Variants in GNPNAT1 observed in about 807,000 individuals in gnomAD.
GNPNAT1 encodes glucosamine-phosphate N-acetyltransferase 1.
In GNPNAT1, 11 loss-of-function variants were observed where a neutral mutation model predicts 19.8. The observed-to-expected ratio is 0.56, with a 90% CI of 0.35 to 0.92. The LOEUF (loss-of-function observed/expected upper bound fraction) is 0.92, where lower values mean the gene tolerates loss of function less well. Among genes scored for constraint, GNPNAT1 ranks in the 40% least tolerant of loss-of-function variants. GNPNAT1 has a pLI of 0.01. For synonymous variants in GNPNAT1, 71 were observed against 72.3 expected, an observed-to-expected ratio of 0.98 and a Z score of 0.09; for missense variants, 157 against 211.0, an observed-to-expected ratio of 0.74 and a Z score of 1.59.
chr14:52,784,352 G>A, intron 2 of GNPNAT1, 145 bp downstream of exon 2: 2 of 500,190 alleles, frequency 4.0e-6, no homozygotes, highest in South Asian at 4.7e-5. Flanking sequence ...ACACTCATTG[G>A]TATTGAGTGT....
rs1428103326 is a variant in GNPNAT1, at chr14:52,791,191, C to A, written c.-15+237G>T. 6.6e-6 allele frequency among the ~76,000 whole-genome samples: 1 copy of A among 152,206 alleles called. No homozygotes were observed. On this transcript the variant is annotated intron_variant, in intron 1 of 5. Coordinates refer to ENST00000216410, the MANE Select transcript of GNPNAT1 (RefSeq NM_198066.4). This position sits in a 1 kb window ranked among gnomAD's most constrained non-coding sequence, Gnocchi z 4.1. ...CCAAGACCAGCGTATGGCCGGACCG[C>A]TGGCCATCATCCTTAACCTCTGCTC...
At chr14:52,782,684 G>C (rs963361674) in intron 3 of GNPNAT1, among the ~76,000 whole-genome samples, 1 of 151,344 alleles carries the variant, frequency 6.6e-6, no homozygotes. Context: ...ATGGGAAAAA[G>C]AAATTCAGTG....
At chr14:52,782,253 T>C (rs1474994143) in intron 3 of GNPNAT1, among the ~76,000 whole-genome samples, 2 of 152,130 alleles carry the variant, frequency 1.3e-5, no homozygotes, top group African/African-American at 4.8e-5. Context: ...ATAGATCTCT[T>C]TAACTTTTAT....
chr14:52,783,539 T>G (rs1882942393), intron 2 of GNPNAT1, 54 bp from the exon 3 acceptor site: 1 of 1,180,900 alleles, frequency 8.5e-7, no homozygotes, highest in Admixed American at 1.8e-5. Flanking sequence ...GAAGACAGTA[T>G]GAAAATAAGC....
intron 2 of GNPNAT1, among the ~76,000 whole-genome samples, chr14:52,783,846 T>A (rs535017414): frequency 6.6e-6 from 1 of 152,296 alleles, no homozygotes; most frequent in Admixed American, 6.5e-5. Context: ...AGGTGCAACA[T>A]GGCTAAATAC....
chr14:52,780,560 A>G (rs1160491462), intron 5 of GNPNAT1, 119 bp downstream of exon 5: 3 of 695,782 alleles, frequency 4.3e-6, no homozygotes, highest in East Asian at 2.5e-5. Context: ...AGTCTAAACT[A>G]TTAGAGTGAG....
In GNPNAT1 at chr14:52,781,774, C is replaced by T. The variant is rs2139964205; in HGVS notation, c.345+10G>A. 3.2e-6 allele frequency: 5 copies of T among 1,572,844 alleles called. No individual in the cohort carries two copies. The highest frequency in any genetic ancestry group is 4.7e-5 in the East Asian group (2 of 42,390). ...AACAGCTGTCCATTTTATTTATAAG[C>T]AGCACATACCTTAGCACAGGAATGG... is the stretch of plus-strand genomic sequence containing the variant. On this transcript the variant is annotated intron_variant, in intron 4 of 5. Transcript: ENST00000216410.
intron 5 of GNPNAT1, among the ~76,000 whole-genome samples, chr14:52,778,765 C>G (rs999524364): frequency 7.2e-5 from 11 of 152,246 alleles, no homozygotes; most frequent in African/African-American, 2.6e-4. Context: ...TACCTGTAAT[C>G]CTAGCACTCT....
At position 52,781,851 on chromosome 14, in the gene GNPNAT1, G is replaced by T; in HGVS notation, c.278C>A (p.Thr93Asn). 6.2e-7 allele frequency: 1 copy of T among 1,608,026 alleles called. No homozygotes were observed. The highest frequency in any genetic ancestry group is 1.1e-5 in the South Asian group (1 of 90,148). ...DYYVTVVEDV[T>N]LGQIVATATL... ...TGCCGTAGCAACAATCTGTCCTAGAGTCACATCTTCTACAACTGTAACATA... is the reference window on the plus strand; with the variant it reads ...TGCCGTAGCAACAATCTGTCCTAGATTCACATCTTCTACAACTGTAACATA... The change falls in exon 4 of 6, where the codon ACT (threonine) becomes AAT (asparagine). Residue 93 changes from threonine (T) to asparagine (N), a missense_variant. Thr to Asn is a moderately conservative substitution (Grantham distance 65). Coordinates refer to ENST00000216410, the MANE Select transcript of GNPNAT1 (RefSeq NM_198066.4).
chr14:52,780,459 A>G (rs1882867687), intron 5 of GNPNAT1, among the ~76,000 whole-genome samples: 1 of 152,174 alleles, frequency 6.6e-6, no homozygotes, highest in African/African-American at 2.4e-5. Flanking sequence ...TAGTAATTTA[A>G]AGATGTTACT....
At chr14:52,783,562 A>C in intron 2 of GNPNAT1, 77 bp from the exon 3 acceptor site, 5 of 914,370 alleles carry the variant, frequency 5.5e-6, no homozygotes, top group Non-Finnish European at 8.9e-6. Context: ...TATATTAAGC[A>C]GGTGGGCTTA....
chr14:52,780,733 C>T lies in GNPNAT1; in HGVS notation c.353G>A (p.Arg118Lys). 6.3e-7 allele frequency: 1 copy of T among 1,597,958 alleles called. No individual in the cohort carries two copies. The highest frequency in any genetic ancestry group is 8.6e-7 in the Non-Finnish European group (1 of 1,166,694). The change falls in exon 5 of 6, where the codon AGA (arginine) becomes AAA (lysine). Residue 118 changes from arginine to lysine, a missense_variant. Physicochemically the swap from Arg to Lys is conservative, Grantham distance 26 (BLOSUM62 2). Coordinates refer to ENST00000216410, the MANE Select transcript of GNPNAT1 (RefSeq NM_198066.4). ...KFIHSCAKRGRVEDVVVSDEC... is the reference protein window; with the variant it reads ...KFIHSCAKRGKVEDVVVSDEC... ...ATCACTAACAACAACATCTTCTACTCTTCCTCTCTGAAAATATTTACAATG... is the reference window on the plus strand; with the variant it reads ...ATCACTAACAACAACATCTTCTACTTTTCCTCTCTGAAAATATTTACAATG...
intron 2 of GNPNAT1, 27 bp from the exon 3 acceptor site, chr14:52,783,512 T>C (rs1164767045): frequency 1.4e-6 from 2 of 1,450,962 alleles, no homozygotes; most frequent in Non-Finnish European, 9.7e-7. Flanking sequence ...GATTTCAAAT[T>C]ACGAGAATAG....
Position 52,784,477 on chromosome 14 carries a change from C to T in GNPNAT1, c.154+20G>A. The stretch of plus-strand genomic sequence containing the variant: ...AAATGGAAGGCTAACTCTAATTTTA[C>T]ACAGGATTTTGTACATTACCTCTAT... On this transcript the variant is annotated intron_variant, in intron 2 of 5. Transcript: ENST00000216410. The T allele has an allele frequency of 6.6e-7, 1 of 1,509,146 alleles. No homozygotes were observed. Among genetic ancestry groups the T allele is most frequent in the Non-Finnish European group, 8.8e-7 (1 of 1,130,408 alleles). 93.5% of individuals were successfully genotyped at this position (1,509,146 alleles called of 1,614,324 possible).
At chr14:52,782,018 T>C in intron 3 of GNPNAT1, 107 bp from the exon 4 acceptor site, 1 of 953,056 alleles carries the variant, frequency 1.0e-6, no homozygotes, top group Non-Finnish European at 1.5e-6. Context: ...TTAAAGCTGT[T>C]TTACCATAGT....
At chr14:52,787,848 C>T (rs1329125372) in intron 1 of GNPNAT1, 1 of 151,924 alleles carries the variant, frequency 6.6e-6, no homozygotes, top group African/African-American at 2.4e-5. Context: ...ATTCATGAAT[C>T]AGGCACTGTG....
chr14:52,780,873 ATAT>A, intron 4 of GNPNAT1, 133 bp from the exon 5 acceptor site: 3 of 575,150 alleles, frequency 5.2e-6, no homozygotes, highest in Admixed American at 2.9e-5. Flanking sequence ...AATGCAAAAA[ATAT>A]TATACAGTGA....
At chr14:52,789,291 C>T (rs1335909205) in intron 1 of GNPNAT1, among the ~76,000 whole-genome samples, 1 of 152,190 alleles carries the variant, frequency 6.6e-6, no homozygotes, top group Non-Finnish European at 1.5e-5. Context: ...GGTAGTATGA[C>T]TTCAGACTCT....
intron 1 of GNPNAT1, among the ~76,000 whole-genome samples, chr14:52,790,681 C>CA (rs924571678): frequency 2.5e-4 from 38 of 152,116 alleles, no homozygotes; most frequent in African/African-American, 8.5e-4. Flanking sequence ...ATCATCATAC[C>CA]ATACAGCTAG....
Sources: gnomAD v4.1 joint callset for allele counts (sites outside exome capture counted in the v4.1 genomes callset) on GRCh38, gnomAD v4.1.1 for gene constraint, Gnocchi (gnomAD v3.1) non-coding constraint, MANE v1.5 for transcripts, NCBI Gene and HGNC (gene_info 2026-07-23, HGNC 2026-07-21) for gene names.